The following ITSN2 variants were observed in gnomAD, a reference collection of about 807,000 sequenced individuals.
The protein encoded by ITSN2 is intersectin-2.
A neutral mutation model predicts 243.7 loss-of-function variants in ITSN2; 156 were observed. The observed-to-expected ratio is 0.64, with a 90% CI of 0.56 to 0.73. The LOEUF is 0.73. Among genes scored for constraint, ITSN2 ranks in the 30% least tolerant of loss-of-function variants. The pLI is 0.00. For synonymous variants in ITSN2, 703 were observed against 699.9 expected, an observed-to-expected ratio of 1.00 and a Z score of -0.07; for missense variants, 1,801 against 1,996.1, an observed-to-expected ratio of 0.90 and a Z score of 1.86.
In ITSN2 at chr2:24,270,824, G is replaced by A. The variant is rs1312706104; in HGVS notation, c.2258-56C>T. On this transcript the variant is annotated intron_variant, in intron 19 of 39. Transcript: ENST00000355123. ...ACTTACATGTATACATCTTTGCTAT[G>A]ACTCAATAAAGAGCTCTAAAACCTA... The A allele has an allele frequency of 7.6e-6, 7 of 922,552 alleles. No individual in the cohort carries two copies. The African/African-American group carries it at 1.2e-4, about 15-fold the overall frequency. 57.1% of individuals were successfully genotyped at this position (922,552 alleles called of 1,614,324 possible).
chr2:24,323,728 T>C lies in ITSN2; in HGVS notation c.31+4324A>G, dbSNP rs549325553. On this transcript the variant is annotated intron_variant, in intron 2 of 39. Coordinates refer to ENST00000355123, the MANE Select transcript of ITSN2 (RefSeq NM_006277.3). ...CAATAAACCCAACTTTAAAATAAAC[T>C]AAAACAAAAATATAAAGCATCTAAT... 4.6e-5 allele frequency among the ~76,000 whole-genome samples: 7 copies of C among 152,254 alleles called. No homozygotes were observed. In the South Asian group the frequency reaches 1.5e-3, roughly 32 times the overall value.
At chr2:24,306,257 GGT>G (rs1421739321) in intron 8 of ITSN2, among the ~76,000 whole-genome samples, 1 of 152,118 alleles carries the variant, frequency 6.6e-6, no homozygotes, top group Non-Finnish European at 1.5e-5. Context: ...TGGAATTACA[GGT>G]GTGAGCCACT....
At chr2:24,304,487 T>C (rs968933604) in intron 8 of ITSN2, among the ~76,000 whole-genome samples, 2 of 152,208 alleles carry the variant, frequency 1.3e-5, no homozygotes, top group Non-Finnish European at 2.9e-5. Flanking sequence ...AATATTTTCA[T>C]TCTATTTTTT....
At chr2:24,278,281 T>A (rs535552830) in intron 17 of ITSN2, among the ~76,000 whole-genome samples, 1 of 152,204 alleles carries the variant, frequency 6.6e-6, no homozygotes, top group Admixed American at 6.5e-5. Context: ...TATTCCTCTA[T>A]CATAGTGTCT....
chr2:24,262,896 T>C (rs1003255186), intron 20 of ITSN2, among the ~76,000 whole-genome samples: 15 of 152,332 alleles, frequency 9.8e-5, no homozygotes, highest in Middle Eastern at 3.4e-3. Context: ...AAAAAATCTT[T>C]GGCTCTTACC....
chr2:24,332,260 G>A (rs189248887), intron 1 of ITSN2, among the ~76,000 whole-genome samples: 14 of 151,748 alleles, frequency 9.2e-5, no homozygotes, highest in Middle Eastern at 3.4e-3. Flanking sequence ...AAGGAAAATT[G>A]TTGTATACTC....
At position 24,300,101 on chromosome 2, in the gene ITSN2, G is replaced by C. The variant is rs950720158; in HGVS notation, c.1152C>G (p.Ala384=). The change falls in exon 12 of 40, where the codon GCC becomes GCG. Residue 384 remains alanine, a synonymous_variant. Coordinates refer to ENST00000355123, the MANE Select transcript of ITSN2 (RefSeq NM_006277.3). ...GNMELEKRRQ[A]LMEQQQREAE... ...CCTCCCTTTGTTGCTGCTCCATCAA[G>C]GCTTGGCGTCGCTTTTCCAGCTCCA... 2 of 1,614,090 alleles carry C rather than the reference G, an allele frequency of 1.2e-6. No homozygotes were observed. Among genetic ancestry groups the C allele is most frequent in the Non-Finnish European group, 1.7e-6 (2 of 1,180,024 alleles).
intron 1 of ITSN2, chr2:24,330,499 C>T: frequency 1.4e-6 from 1 of 698,200 alleles, no homozygotes; most frequent in Non-Finnish European, 2.7e-6. Flanking sequence ...GCTAAACCTG[C>T]TCCTCCAACG....
intron 2 of ITSN2, among the ~76,000 whole-genome samples, chr2:24,321,244 C>T (rs1684544450): frequency 6.6e-6 from 1 of 152,180 alleles, no homozygotes; most frequent in Non-Finnish European, 1.5e-5. Context: ...TTCAACATGA[C>T]TAATCACCAT....
chr2:24,223,846 AAAAG>A (rs146555862), intron 29 of ITSN2, among the ~76,000 whole-genome samples: 28,102 of 132,820 alleles, frequency 0.21, 3,173 homozygotes, highest in Non-Finnish European at 0.27. Flanking sequence ...AGAAACAAGA[AAAAG>A]AAAGAAAGAA....
Position 24,212,768 on chromosome 2 carries a change from C to T in ITSN2, c.3991-20G>A. 6.3e-7 allele frequency: 1 copy of T among 1,595,686 alleles called. No homozygotes were observed. ...CAGCTTCTGCAAAACAACAGTGAGG[C>T]TCGTGAGGAAATCACAGCTCCGATC... is the stretch of plus-strand genomic sequence containing the variant. On this transcript the variant is annotated intron_variant, in intron 32 of 39. Transcript: ENST00000355123.
At chr2:24,216,597 A>G (rs996461089) in intron 31 of ITSN2, among the ~76,000 whole-genome samples, 1 of 152,006 alleles carries the variant, frequency 6.6e-6, no homozygotes, top group Non-Finnish European at 1.5e-5. Context: ...CTCTACAAAA[A>G]TGAAAAATTA....
chr2:24,350,902 C>T (rs1687962693), intron 1 of ITSN2, among the ~76,000 whole-genome samples: 2 of 151,908 alleles, frequency 1.3e-5, no homozygotes, highest in Admixed American at 6.6e-5. Flanking sequence ...TTAAGAACGA[C>T]GAAAATGTTC....
chr2:24,267,003 A>G (rs926468805), intron 20 of ITSN2, among the ~76,000 whole-genome samples: 1 of 152,182 alleles, frequency 6.6e-6, no homozygotes, highest in African/African-American at 2.4e-5. Flanking sequence ...CAAGAATACA[A>G]TAAACCCTGA....
At position 24,207,242 on chromosome 2, in the gene ITSN2, C is replaced by T. The variant is rs1028102343; in HGVS notation, c.4678+995G>A. Among the ~76,000 whole-genome samples, 13 of 151,980 alleles carry T rather than the reference C, an allele frequency of 8.6e-5. 1 individual carries two copies. In the South Asian group the frequency reaches 1.0e-3, roughly 12 times the overall value. On this transcript the variant is annotated intron_variant, in intron 37 of 39. Transcript: ENST00000355123. ...TTGTGCTGCAGCCTGGGTGGGAGAT[C>T]GGGGGCCTGTGATACGGGGACAGGA...
At chr2:24,330,197 A>T (rs1685616259) in intron 1 of ITSN2, among the ~76,000 whole-genome samples, 1 of 152,244 alleles carries the variant, frequency 6.6e-6, no homozygotes, top group Non-Finnish European at 1.5e-5. Context: ...ACAAGGCCTT[A>T]ATCAGTTGGG....
chr2:24,206,358 G>C (rs1038155057), intron 37 of ITSN2: 1 of 355,162 alleles, frequency 2.8e-6, no homozygotes, highest in African/African-American at 2.3e-5. Flanking sequence ...CAGGCTGCAT[G>C]GGGGGGCCCG....
chr2:24,303,000 C>T (rs961753477), intron 9 of ITSN2, among the ~76,000 whole-genome samples: 4 of 152,150 alleles, frequency 2.6e-5, no homozygotes, highest in Non-Finnish European at 5.9e-5. Flanking sequence ...TGTGGTGATG[C>T]TAGTCTGAAC....
intron 2 of ITSN2, among the ~76,000 whole-genome samples, chr2:24,324,203 G>A (rs1350470136): frequency 6.6e-6 from 1 of 152,134 alleles, no homozygotes; most frequent in Non-Finnish European, 1.5e-5. Context: ...CTGCACTCCA[G>A]CCTGGGAGAC....
Sources: allele counts gnomAD v4.1 joint callset (sites outside exome capture counted in the v4.1 genomes callset), GRCh38; gene constraint gnomAD v4.1.1; transcripts MANE v1.5; gene names NCBI Gene and HGNC (gene_info 2026-07-23, HGNC 2026-07-21).